The following DAAM1 variants were observed in gnomAD, a reference collection of about 807,000 sequenced individuals.
The protein encoded by DAAM1 is disheveled-associated activator of morphogenesis 1.
Under a neutral mutation model 130.0 loss-of-function variants are expected in DAAM1, and 52 were observed. The observed-to-expected ratio is 0.40, with a 90% CI of 0.32 to 0.50. DAAM1 has a LOEUF of 0.50. Ranked by LOEUF, DAAM1 falls within the 20% of genes least tolerant of loss-of-function variation. DAAM1 has a pLI of 0.61. For synonymous variants in DAAM1, 452 were observed against 444.5 expected (o/e 1.02, Z -0.21); for missense variants, 1,134 against 1,303.8 (o/e 0.87, Z 2.01).
At chr14:59,189,384 G>A (rs1243569168) in intron 1 of DAAM1, among the ~76,000 whole-genome samples, 1 of 152,244 alleles carries the variant, frequency 6.6e-6, no homozygotes, top group Admixed American at 6.5e-5. Context: ...AAAACAGAGA[G>A]AAGGGAAATC....
In DAAM1 at chr14:59,336,966, C is replaced by T. The variant is rs767585117; in HGVS notation, c.1969-3108C>T. 3.3e-5 allele frequency among the ~76,000 whole-genome samples: 5 copies of T among 152,176 alleles called. No individual in the cohort carries two copies. In the South Asian group the frequency reaches 6.2e-4, roughly 19 times the overall value. On this transcript the variant is annotated intron_variant, in intron 15 of 24. Coordinates refer to ENST00000360909, the MANE Select transcript of DAAM1 (RefSeq NM_001270520.2). ...CAGATAGACTGAGCCCCAAGCCACA[C>T]ACCCGGTAAATAACAGTTGCCTGAT...
intron 1 of DAAM1, among the ~76,000 whole-genome samples, chr14:59,199,276 T>G (rs149998728): frequency 2.0e-3 from 302 of 152,370 alleles, no homozygotes; most frequent in African/African-American, 7.0e-3. Context: ...TTTTAGTTTC[T>G]ACTTAATTGT....
chr14:59,280,515 TCTA>T (rs1883161834), intron 2 of DAAM1, among the ~76,000 whole-genome samples: 1 of 148,158 alleles, frequency 6.7e-6, no homozygotes, highest in South Asian at 2.2e-4. Context: ...CCCCATCTTC[TCTA>T]CTTTCTGCAC....
At chr14:59,275,978 A>G (rs945030446) in intron 2 of DAAM1, among the ~76,000 whole-genome samples, 3 of 152,146 alleles carry the variant, frequency 2.0e-5, no homozygotes, top group African/African-American at 7.2e-5. Context: ...GTGTTTACCA[A>G]TCCCTTTTAG....
At chr14:59,338,091 C>T (rs773475689) in intron 15 of DAAM1, among the ~76,000 whole-genome samples, 4 of 152,136 alleles carry the variant, frequency 2.6e-5, no homozygotes, top group Non-Finnish European at 4.4e-5. Flanking sequence ...TTGGGTCTTT[C>T]TCAGGTGTTT....
At chr14:59,219,819 C>G (rs1020301211) in intron 1 of DAAM1, among the ~76,000 whole-genome samples, 1 of 152,162 alleles carries the variant, frequency 6.6e-6, no homozygotes, top group African/African-American at 2.4e-5. Flanking sequence ...TCCTGCTTGT[C>G]TAATATCCCT....
intron 1 of DAAM1, among the ~76,000 whole-genome samples, chr14:59,195,292 C>A (rs1230462459): frequency 6.6e-6 from 1 of 151,978 alleles, no homozygotes; most frequent in Non-Finnish European, 1.5e-5. Flanking sequence ...TACAGGTGTC[C>A]ACCACCACGC....
chr14:59,281,087 A>G (rs988799391), intron 2 of DAAM1, among the ~76,000 whole-genome samples: 1 of 152,078 alleles, frequency 6.6e-6, no homozygotes, highest in African/African-American at 2.4e-5. Flanking sequence ...GCAAGAGTTG[A>G]CAGTCGACTT....
chr14:59,258,728 T>C (rs1369697875), intron 1 of DAAM1, among the ~76,000 whole-genome samples: 1 of 152,178 alleles, frequency 6.6e-6, no homozygotes, highest in Non-Finnish European at 1.5e-5. Context: ...AATGGATGCC[T>C]GTTGGAAATC....
At chr14:59,342,412 G>GA (rs916939630) in intron 16 of DAAM1, among the ~76,000 whole-genome samples, 1 of 152,102 alleles carries the variant, frequency 6.6e-6, no homozygotes, top group African/African-American at 2.4e-5. Flanking sequence ...TGGTACAAGT[G>GA]AAAAAATTAG....
chr14:59,346,140 G>A lies in DAAM1; in HGVS notation c.2076-1399G>A, dbSNP rs1005314851. Among the ~76,000 whole-genome samples, 3 of 5,922 alleles carry A rather than the reference G, an allele frequency of 5.1e-4. No homozygotes were observed. In the South Asian group the frequency reaches 0.037, roughly 72 times the overall value. 3.9% of individuals were successfully genotyped at this position (5,922 alleles called of 152,430 possible). On this transcript the variant is annotated intron_variant, in intron 16 of 24. Coordinates refer to ENST00000360909, the MANE Select transcript of DAAM1 (RefSeq NM_001270520.2). Reference sequence around the variant, plus strand: ...ATACAAACACAATCCCTTTTTTTTGGGGGGGGGGGGGTGCCTGGAGGGATG... The same window carrying A: ...ATACAAACACAATCCCTTTTTTTTGAGGGGGGGGGGGTGCCTGGAGGGATG...
chr14:59,326,951 AGTT>A lies in DAAM1; in HGVS notation c.1333_1335del (p.Val445del). 6.2e-7 allele frequency: 1 copy of A among 1,614,024 alleles called. No individual in the cohort carries two copies. Among genetic ancestry groups the A allele is most frequent in the Non-Finnish European group, 8.5e-7 (1 of 1,179,958 alleles). On this transcript the variant is annotated inframe_deletion, in exon 12 of 25. Coordinates refer to ENST00000360909, the MANE Select transcript of DAAM1 (RefSeq NM_001270520.2). ...TACACAGGTTGGTTAATGAAAATGA[AGTT>A]AAGCAGTGGAAAGAACAAGCGGAAA...
At chr14:59,220,020 A>AT (rs918739774) in intron 1 of DAAM1, among the ~76,000 whole-genome samples, 66 of 150,700 alleles carry the variant, frequency 4.4e-4, no homozygotes, top group African/African-American at 5.8e-4. Context: ...AAAAATACAG[A>AT]TTTTTTTTTT....
chr14:59,367,586 G>T lies in DAAM1; in HGVS notation c.2984G>T (p.Arg995Leu), dbSNP rs199742099. Reference sequence around the variant, plus strand: ...AAGGAGGAAGAAGAACGTCGAGCTCGCATGGAAGCTCAGGTGAGAGGATGA... The same window carrying T: ...AAGGAGGAAGAAGAACGTCGAGCTCTCATGGAAGCTCAGGTGAGAGGATGA... Reference protein sequence around the residue: ...KKKEEEERRARMEAQLKEQRE... With the variant: ...KKKEEEERRALMEAQLKEQRE... Residue 995 changes from arginine (R) to leucine (L), a missense_variant, in exon 24 of 25, where the codon CGC becomes CTC. This residue lies in a region of DAAM1 where 644 missense variants were observed against 695.9 expected (regional missense o/e 0.93). Coordinates refer to ENST00000360909, the MANE Select transcript of DAAM1 (RefSeq NM_001270520.2). The T allele has an allele frequency of 8.7e-6, 14 of 1,612,978 alleles. 1 individual carries two copies. The South Asian group carries it at 1.1e-4, about 13-fold the overall frequency.
intron 2 of DAAM1, among the ~76,000 whole-genome samples, chr14:59,274,291 A>T (rs1441261443): frequency 3.3e-5 from 5 of 152,212 alleles, no homozygotes; most frequent in African/African-American, 1.2e-4. Context: ...CAGAATATAT[A>T]TATGACATGT....
At chr14:59,203,387 A>AC (rs1888172049) in intron 1 of DAAM1, among the ~76,000 whole-genome samples, 1 of 152,134 alleles carries the variant, frequency 6.6e-6, no homozygotes, top group Non-Finnish European at 1.5e-5. Context: ...TGTACAGTGC[A>AC]TATGGATGAA....
chr14:59,225,019 G>GTTTTTTT (rs869233694), intron 1 of DAAM1, among the ~76,000 whole-genome samples: 1,606 of 90,644 alleles, frequency 0.018, 140 homozygotes, highest in Middle Eastern at 0.023. Context: ...ATCTGTGTGG[G>GTTTTTTT]TTTTTTTTTT....
At chr14:59,305,511 G>A (rs1884343357) in intron 3 of DAAM1, among the ~76,000 whole-genome samples, 1 of 152,178 alleles carries the variant, frequency 6.6e-6, no homozygotes, top group African/African-American at 2.4e-5. Flanking sequence ...GTGTCTCATA[G>A]TTTGGGAAGT....
intron 23 of DAAM1, among the ~76,000 whole-genome samples, chr14:59,365,114 T>TGTTGAAGATCTTCTAGCAGAACATAA (rs1371449264): frequency 6.6e-6 from 1 of 152,222 alleles, no homozygotes; most frequent in Admixed American, 6.5e-5. Flanking sequence ...GCTTCTCTGA[T>TGTTGAAGATCTTCTAGCAGAACATAA]GTTGAAGATC....
Sources: gnomAD v4.1 joint callset for allele counts (sites outside exome capture counted in the v4.1 genomes callset) on GRCh38, gnomAD v4.1.1 for gene constraint, gnomAD v4.1.1 regional missense constraint, MANE v1.5 for transcripts, NCBI Gene and HGNC (gene_info 2026-07-23, HGNC 2026-07-21) for gene names.